The following LRRC69 variants were observed in gnomAD, a reference collection of about 807,000 sequenced individuals.
The protein encoded by LRRC69 is leucine-rich repeat-containing protein 69.
LRRC69 carries 42 observed loss-of-function variants against 37.8 expected under a neutral mutation model. That is an observed-to-expected ratio of 1.11 (90% CI 0.87 to 1.44). The LOEUF (loss-of-function observed/expected upper bound fraction) is 1.44. LRRC69 is among the 40% of genes most tolerant of loss of function. The probability of loss-of-function intolerance (pLI) is 0.00; values close to 1 mark genes in which losing one functional copy is unlikely to be tolerated. For synonymous variants in LRRC69, 141 were observed against 143.1 expected (o/e 0.99, Z 0.11); for missense variants, 357 against 401.9 (o/e 0.89, Z 0.96).
At chr8:91,189,207 T>G (rs1461122129) in intron 5 of LRRC69, among the ~76,000 whole-genome samples, 2 of 152,188 alleles carry the variant, frequency 1.3e-5, no homozygotes, top group East Asian at 3.9e-4. Context: ...CTCAATTTAT[T>G]AATGCTTATT....
At chr8:91,139,475 A>T (rs1185003723) in intron 5 of LRRC69, among the ~76,000 whole-genome samples, 2 of 151,080 alleles carry the variant, frequency 1.3e-5, no homozygotes, top group East Asian at 2.0e-4. Context: ...GAGTTTCTCC[A>T]TGTTGGTCAG....
intron 5 of LRRC69, chr8:91,157,673 C>A: frequency 6.3e-7 from 1 of 1,590,584 alleles, no homozygotes; most frequent in Non-Finnish European, 8.6e-7. Context: ...TGCCTTACAG[C>A]TAGCTGATCA....
chr8:91,174,618 T>C (rs1469849977), intron 5 of LRRC69, among the ~76,000 whole-genome samples: 1 of 152,260 alleles, frequency 6.6e-6, no homozygotes, highest in Non-Finnish European at 1.5e-5. Flanking sequence ...ATATTTCGTC[T>C]AGTTCACTGC....
chr8:91,109,524 T>C (rs1813375660), intron 1 of LRRC69, among the ~76,000 whole-genome samples: 1 of 152,264 alleles, frequency 6.6e-6, no homozygotes, highest in Non-Finnish European at 1.5e-5. Context: ...GTTAAAATTT[T>C]ACATTTTAAT....
rs1347488922 is a variant in LRRC69 at position 91,124,637 on chromosome 8, GAAC to G, written c.310+23_310+25del. The G allele has an allele frequency of 2.6e-6, 4 of 1,513,954 alleles. No homozygotes were observed. The highest frequency in any genetic ancestry group is 2.6e-5 in the East Asian group (1 of 39,130). The allele number at this position is 1,513,954 out of a possible 1,614,324, so 93.8% of individuals were successfully genotyped here. On this transcript the variant is annotated intron_variant, in intron 2 of 7. Transcript: ENST00000448384. ...AGCCTGTGGTAATTTAATCAACAAG[GAAC>G]AACATTATAGCATCAAATTTAATCT...
intron 5 of LRRC69, among the ~76,000 whole-genome samples, chr8:91,173,850 C>A (rs1809175520): frequency 6.6e-6 from 1 of 151,826 alleles, no homozygotes; most frequent in African/African-American, 2.4e-5. Flanking sequence ...TCCCGAAGGC[C>A]CTACCTCGAT....
chr8:91,152,840 A>G (rs1482182120), intron 5 of LRRC69, among the ~76,000 whole-genome samples: 2 of 151,084 alleles, frequency 1.3e-5, no homozygotes, highest in African/African-American at 4.8e-5. Flanking sequence ...ATAACCAGCT[A>G]GCATCATGAT....
intron 5 of LRRC69, chr8:91,157,515 C>G (rs1250160896): frequency 1.3e-6 from 2 of 1,547,806 alleles, no homozygotes; most frequent in Admixed American, 3.4e-5. Context: ...ACAAGGAGTT[C>G]TATTTGTTTC....
intron 5 of LRRC69, among the ~76,000 whole-genome samples, chr8:91,187,625 T>C (rs940893324): frequency 1.3e-5 from 2 of 152,210 alleles, no homozygotes; most frequent in African/African-American, 4.8e-5. Context: ...TACTGAAAAC[T>C]GTGGGACATT....
chr8:91,146,344 A>C (rs984063675), intron 5 of LRRC69, among the ~76,000 whole-genome samples: 2 of 151,904 alleles, frequency 1.3e-5, no homozygotes. Context: ...AGGATCATAA[A>C]GTCAGAGAGC....
chr8:91,183,808 T>C (rs1809362404), intron 5 of LRRC69, among the ~76,000 whole-genome samples: 1 of 152,060 alleles, frequency 6.6e-6, no homozygotes. Context: ...GTGATTCTTG[T>C]CTCCCCTGAG....
chr8:91,201,852 T>A (rs1586284641), intron 7 of LRRC69, among the ~76,000 whole-genome samples: 1 of 152,194 alleles, frequency 6.6e-6, no homozygotes. Flanking sequence ...CATAAAAGAA[T>A]GGTATATTAG....
chr8:91,113,446 G>A (rs952269124), intron 1 of LRRC69, among the ~76,000 whole-genome samples: 7 of 152,106 alleles, frequency 4.6e-5, no homozygotes, highest in African/African-American at 7.2e-5. Flanking sequence ...GAAAGGGTGC[G>A]AAGAGCACAC....
chr8:91,165,628 G>A (rs1215002975), intron 5 of LRRC69, among the ~76,000 whole-genome samples: 1 of 151,708 alleles, frequency 6.6e-6, no homozygotes, highest in Non-Finnish European at 1.5e-5. Flanking sequence ...TCTGTCATGA[G>A]AATTATAGCT....
chr8:91,127,719 G>A (rs1173060167), intron 3 of LRRC69, among the ~76,000 whole-genome samples: 2 of 149,758 alleles, frequency 1.3e-5, no homozygotes, highest in South Asian at 2.1e-4. Context: ...GGCAAAACAC[G>A]CTCTTGGGCT....
chr8:91,135,395 C>T (rs532667377), intron 4 of LRRC69, among the ~76,000 whole-genome samples: 4 of 152,126 alleles, frequency 2.6e-5, no homozygotes, highest in South Asian at 2.1e-4. Flanking sequence ...GTTATAGTAC[C>T]TGCCAGAGGT....
chr8:91,180,550 G>C lies in LRRC69; in HGVS notation c.652-8972G>C, dbSNP rs150776810. 3.4e-3 allele frequency among the ~76,000 whole-genome samples: 511 copies of C among 152,288 alleles called. 1 individual carries two copies. The highest frequency in any genetic ancestry group is 6.3e-3 in the Non-Finnish European group (430 of 68,028). On this transcript the variant is annotated intron_variant, in intron 5 of 7. Coordinates refer to ENST00000448384, the Ensembl canonical transcript of LRRC69. ...GTCCAGTACGCACTCAAGGGGAGGA[G>C]AATTAGGCTCTACCTCTTAAAGGAG...
chr8:91,147,260 A>G (rs868792030), intron 5 of LRRC69, among the ~76,000 whole-genome samples: 8 of 85,890 alleles, frequency 9.3e-5, no homozygotes, highest in African/African-American at 4.1e-4. Context: ...AATATATATT[A>G]TATATAAACA....
At chr8:91,103,832 G>A (rs2130467977) in intron 1 of LRRC69, among the ~76,000 whole-genome samples, 1 of 152,076 alleles carries the variant, frequency 6.6e-6, no homozygotes, top group Non-Finnish European at 1.5e-5. Context: ...TAATAGGAAA[G>A]AGGAGTTTCT....
Sources: gnomAD v4.1 joint callset for allele counts (sites outside exome capture counted in the v4.1 genomes callset) on GRCh38, gnomAD v4.1.1 for gene constraint, MANE v1.5 for transcripts, NCBI Gene and HGNC (gene_info 2026-07-23, HGNC 2026-07-21) for gene names.